Variants in PLD5 observed in about 807,000 individuals in gnomAD.
PLD5 encodes the protein inactive phospholipase D5.
A neutral mutation model predicts 61.1 loss-of-function variants in PLD5; 36 were observed. The observed-to-expected ratio is 0.59, with a 90% CI of 0.45 to 0.78. The LOEUF (loss-of-function observed/expected upper bound fraction) is 0.78. Ranked by LOEUF, PLD5 falls within the 30% of genes least tolerant of loss-of-function variation. PLD5 has a pLI of 0.00. For synonymous variants in PLD5, 243 were observed against 242.8 expected (o/e 1.00, Z -0.01); for missense variants, 515 against 644.4 (o/e 0.80, Z 2.17).
chr1:242,116,204 A>T (rs2148711485), intron 6 of PLD5, among the ~76,000 whole-genome samples: 1 of 152,192 alleles, frequency 6.6e-6, no homozygotes, highest in South Asian at 2.1e-4. Context: ...TGTCTGGAAC[A>T]ACTCCCTACA....
chr1:242,326,597 C>A (rs1384042293), intron 2 of PLD5, among the ~76,000 whole-genome samples: 2 of 152,128 alleles, frequency 1.3e-5, no homozygotes, highest in African/African-American at 4.8e-5. Context: ...AAAACTACAG[C>A]CCAATCTCTG....
chr1:242,426,545 A>G (rs1665438526), intron 1 of PLD5, among the ~76,000 whole-genome samples: 1 of 152,184 alleles, frequency 6.6e-6, no homozygotes, highest in Admixed American at 6.5e-5. Flanking sequence ...TTACAACTAT[A>G]ATATCACTAG....
At chr1:242,371,274 C>A (rs1488639162) in intron 1 of PLD5, among the ~76,000 whole-genome samples, 1 of 152,072 alleles carries the variant, frequency 6.6e-6, no homozygotes, top group African/African-American at 2.4e-5. Flanking sequence ...GAGAGAGAAC[C>A]TTTAAACCAT....
intron 1 of PLD5, among the ~76,000 whole-genome samples, chr1:242,367,515 CAG>C (rs1447497810): frequency 2.6e-5 from 4 of 152,138 alleles, no homozygotes; most frequent in Non-Finnish European, 5.9e-5. Flanking sequence ...GCAATTTCCT[CAG>C]AGAGTGAGAA....
intron 7 of PLD5, among the ~76,000 whole-genome samples, chr1:242,111,258 T>A (rs1050560528): frequency 6.6e-6 from 1 of 152,134 alleles, no homozygotes; most frequent in African/African-American, 2.4e-5. Flanking sequence ...GTTTTCACCA[T>A]GTTGGCCAGG....
chr1:242,499,784 T>TG (rs113400812), intron 1 of PLD5, among the ~76,000 whole-genome samples: 12,167 of 152,234 alleles, frequency 0.08, 1,215 homozygotes, highest in African/African-American at 0.24. Context: ...GGCAGGAATT[T>TG]GGCAGGGCCC....
intron 1 of PLD5, among the ~76,000 whole-genome samples, chr1:242,381,078 A>G (rs180741590): frequency 6.6e-6 from 1 of 152,340 alleles, no homozygotes; most frequent in Non-Finnish European, 1.5e-5. Flanking sequence ...AAATCATTCT[A>G]TTATAAAGAC....
chr1:242,387,003 G>T (rs1421149145), intron 1 of PLD5, among the ~76,000 whole-genome samples: 1 of 152,154 alleles, frequency 6.6e-6, no homozygotes, highest in Non-Finnish European at 1.5e-5. Flanking sequence ...GGAAAAGGGG[G>T]AAATTATACT....
intron 5 of PLD5, among the ~76,000 whole-genome samples, chr1:242,192,823 G>T (rs999783433): frequency 2.0e-5 from 3 of 151,664 alleles, no homozygotes; most frequent in Non-Finnish European, 1.5e-5. Flanking sequence ...AATGCTTGGG[G>T]TCTCTCTTCC....
chr1:242,302,024 G>A (rs1179640664), intron 2 of PLD5, among the ~76,000 whole-genome samples: 4 of 152,070 alleles, frequency 2.6e-5, no homozygotes, highest in South Asian at 2.1e-4. Flanking sequence ...CAGGTGATCC[G>A]CCCACCTTGG....
At chr1:242,465,231 C>T (rs1667238487) in intron 1 of PLD5, among the ~76,000 whole-genome samples, 1 of 152,106 alleles carries the variant, frequency 6.6e-6, no homozygotes, top group South Asian at 2.1e-4. Context: ...CAGGAAATCA[C>T]TCGGACTCTA....
chr1:242,102,919 G>A (rs901050173), intron 8 of PLD5, among the ~76,000 whole-genome samples: 1 of 152,180 alleles, frequency 6.6e-6, no homozygotes, highest in Non-Finnish European at 1.5e-5. Context: ...TGTAAAGGTT[G>A]CAATGATGGA....
chr1:242,379,296 A>G (rs1010542255), intron 1 of PLD5, among the ~76,000 whole-genome samples: 1 of 152,174 alleles, frequency 6.6e-6, no homozygotes, highest in South Asian at 2.1e-4. Flanking sequence ...GATGGCTCAC[A>G]TGCTAGAGCA....
intron 1 of PLD5, among the ~76,000 whole-genome samples, chr1:242,467,921 C>A (rs1282545175): frequency 6.6e-6 from 1 of 151,712 alleles, no homozygotes. Context: ...CCAGTAGAAC[C>A]GCCCCCCAAA....
chr1:242,245,192 G>C (rs553908389), intron 4 of PLD5, among the ~76,000 whole-genome samples: 1 of 152,182 alleles, frequency 6.6e-6, no homozygotes, highest in South Asian at 2.1e-4. Context: ...TTTTAGAGAA[G>C]GTTAATTTAA....
At chr1:242,515,053 T>C (rs930036478) in intron 1 of PLD5, among the ~76,000 whole-genome samples, 1 of 152,202 alleles carries the variant, frequency 6.6e-6, no homozygotes, top group African/African-American at 2.4e-5. Context: ...TATAGCTCTG[T>C]AAATGTTTAC....
intron 6 of PLD5, among the ~76,000 whole-genome samples, chr1:242,119,023 G>T (rs1034425211): frequency 6.6e-6 from 1 of 152,204 alleles, no homozygotes. Context: ...GTACTTCTTT[G>T]TTCCATAGTA....
At chr1:242,444,356 C>T (rs943886454) in intron 1 of PLD5, among the ~76,000 whole-genome samples, 14 of 151,992 alleles carry the variant, frequency 9.2e-5, no homozygotes, top group East Asian at 1.9e-4. Flanking sequence ...TTTCAAGTAC[C>T]GGAGAAGAGG....
Position 242,524,520 on chromosome 1 carries a change from G to A in PLD5, c.-244C>T. 5.1e-6 allele frequency: 1 copy of A among 195,632 alleles called. No individual in the cohort carries two copies. The highest frequency in any genetic ancestry group is 2.2e-4 in the South Asian group (1 of 4,638). 12.1% of individuals were successfully genotyped at this position (195,632 alleles called of 1,614,324 possible). ...GGCGGAAGGAGGGAGGGCGAGGTGC[G>A]GGCGGGGGCGGGGGCGGGGGCGGAG... is the stretch of plus-strand genomic sequence containing the variant. On this transcript the variant is annotated 5_prime_UTR_variant, in exon 1 of 10. Coordinates refer to ENST00000536534, the MANE Select transcript of PLD5 (RefSeq NM_001372062.1).
Sources: allele counts gnomAD v4.1 joint callset (sites outside exome capture counted in the v4.1 genomes callset), GRCh38; gene constraint gnomAD v4.1.1; transcripts MANE v1.5; gene names NCBI Gene and HGNC (gene_info 2026-07-23, HGNC 2026-07-21).